Variants in LRIG3 observed in about 807,000 individuals in gnomAD.
LRIG3 encodes the protein leucine-rich repeats and immunoglobulin-like domains protein 3.
Under a neutral mutation model 114.5 loss-of-function variants are expected in LRIG3, and 76 were observed. The ratio of observed to expected loss-of-function variants is 0.66; its 90% CI spans 0.55 to 0.80. The LOEUF (loss-of-function observed/expected upper bound fraction) is 0.80, where lower values mean the gene tolerates loss of function less well. Ranked by LOEUF, LRIG3 falls within the 30% of genes least tolerant of loss-of-function variation. LRIG3 has a pLI of 0.00. For synonymous variants in LRIG3, 512 were observed against 519.8 expected, an observed-to-expected ratio of 0.98 and a Z score of 0.20; for missense variants, 1,239 against 1,382.8, an observed-to-expected ratio of 0.90 and a Z score of 1.65.
intron 3 of LRIG3, among the ~76,000 whole-genome samples, chr12:58,894,220 C>G (rs1340366126): frequency 6.6e-6 from 1 of 152,220 alleles, no homozygotes; most frequent in East Asian, 1.9e-4. Flanking sequence ...GTGCTCAGTT[C>G]TAGACGGAGC....
intron 16 of LRIG3, among the ~76,000 whole-genome samples, 158 bp from the exon 17 acceptor site, chr12:58,874,731 T>A (rs147929311): frequency 6.6e-6 from 1 of 152,242 alleles, no homozygotes; most frequent in Admixed American, 6.5e-5. Flanking sequence ...TTAAAAAATT[T>A]ATTAGAGGAC....
intron 3 of LRIG3, among the ~76,000 whole-genome samples, chr12:58,909,649 G>A (rs1293803907): frequency 1.3e-5 from 2 of 152,182 alleles, no homozygotes; most frequent in Non-Finnish European, 2.9e-5. Context: ...TGTATTCCCT[G>A]TATCTTCACA....
intron 12 of LRIG3, among the ~76,000 whole-genome samples, chr12:58,881,526 G>A (rs1000455741): frequency 2.6e-5 from 4 of 151,440 alleles, no homozygotes; most frequent in South Asian, 2.1e-4. Context: ...TCGTGCCGCC[G>A]CGCTGCCCTG....
At chr12:58,889,921 T>G in intron 5 of LRIG3, 75 bp downstream of exon 5, 1 of 1,531,822 alleles carries the variant, frequency 6.5e-7, no homozygotes, top group Non-Finnish European at 8.9e-7. Flanking sequence ...TTTTGCCACA[T>G]TGTAGATTTT....
At position 58,890,705 on chromosome 12, in the gene LRIG3, C is replaced by T. The variant is rs1871427722; in HGVS notation, c.475G>A (p.Glu159Lys). 6.2e-7 allele frequency: 1 copy of T among 1,607,800 alleles called. No individual in the cohort carries two copies. ...TLDLSSNNIS[E>K]LQTAFPALQL... is the part of the protein sequence containing the mutation. ...AGGGCTGGAAATGCAGTTTGGAGCT[C>T]TGAAATATTGTTGCTGCTAAGGTCC... is the stretch of plus-strand genomic sequence containing the variant. The change falls in exon 4 of 19, where the codon GAG becomes AAG. Residue 159 changes from glutamate (E) to lysine (K), a missense_variant. Physicochemically the swap from Glu to Lys is moderately conservative, Grantham distance 56 (BLOSUM62 1). Coordinates refer to ENST00000320743, the MANE Select transcript of LRIG3 (RefSeq NM_153377.5).
intron 3 of LRIG3, among the ~76,000 whole-genome samples, chr12:58,913,081 A>G (rs751291239): frequency 1.3e-5 from 2 of 152,184 alleles, no homozygotes; most frequent in Non-Finnish European, 2.9e-5. Context: ...AGATGTAAGC[A>G]ATTGGGTAGT....
At chr12:58,879,213 G>A (rs1248615327) in intron 13 of LRIG3, 108 bp from the exon 14 acceptor site, 21 of 1,285,348 alleles carry the variant, frequency 1.6e-5, no homozygotes, top group Non-Finnish European at 2.2e-5. Context: ...GATTGTCCCT[G>A]ACATAGATTG....
At chr12:58,891,296 G>C (rs1306556180) in intron 3 of LRIG3, among the ~76,000 whole-genome samples, 1 of 151,682 alleles carries the variant, frequency 6.6e-6, no homozygotes, top group Admixed American at 6.6e-5. Context: ...TTATACAGTC[G>C]GGGGGTCTCA....
chr12:58,919,449 A>G, intron 1 of LRIG3: 3 of 1,551,666 alleles, frequency 1.9e-6, no homozygotes, highest in Non-Finnish European at 2.6e-6. Flanking sequence ...TGAAAAAGCA[A>G]GCAGAGGGAG....
intron 3 of LRIG3, among the ~76,000 whole-genome samples, chr12:58,904,618 A>G (rs1403601924): frequency 6.6e-6 from 1 of 152,226 alleles, no homozygotes; most frequent in Non-Finnish European, 1.5e-5. Flanking sequence ...GTTGCCCAAA[A>G]TGGGTCATTG....
At chr12:58,893,626 GAT>G in intron 3 of LRIG3, among the ~76,000 whole-genome samples, 1 of 152,194 alleles carries the variant, frequency 6.6e-6, no homozygotes, top group Non-Finnish European at 1.5e-5. Context: ...AGGTCCCGGA[GAT>G]GGATTCCATC....
chr12:58,906,247 T>C (rs912314011), intron 3 of LRIG3, among the ~76,000 whole-genome samples: 2 of 152,176 alleles, frequency 1.3e-5, no homozygotes, highest in African/African-American at 4.8e-5. Flanking sequence ...TGACCACTTT[T>C]CAAATACTGA....
At chr12:58,907,373 C>A (rs185816250) in intron 3 of LRIG3, among the ~76,000 whole-genome samples, 2 of 152,160 alleles carry the variant, frequency 1.3e-5, no homozygotes, top group Non-Finnish European at 2.9e-5. Flanking sequence ...TTATTAGGAA[C>A]CATGAAGAGA....
intron 5 of LRIG3, among the ~76,000 whole-genome samples, chr12:58,889,276 A>G (rs1297979691): frequency 6.6e-6 from 1 of 152,212 alleles, no homozygotes; most frequent in African/African-American, 2.4e-5. Flanking sequence ...GAATGAGATT[A>G]TTAAATGTTA....
In LRIG3 at chr12:58,919,962, C is replaced by A. The variant is rs779867201; in HGVS notation, c.236+38G>T. ...GGCTCCTGTTTTCTCGAATCTCCAGCGGCCCGGGCCCCCTCCCCCCGCGGG... is the reference window on the plus strand; with the variant it reads ...GGCTCCTGTTTTCTCGAATCTCCAGAGGCCCGGGCCCCCTCCCCCCGCGGG... On this transcript the variant is annotated intron_variant, in intron 1 of 18. Transcript: ENST00000320743. The A allele has an allele frequency of 5.2e-6, 8 of 1,531,694 alleles. No individual in the cohort carries two copies. In the South Asian group the frequency reaches 6.0e-5, roughly 11 times the overall value. The allele number at this position is 1,531,694 out of a possible 1,614,324, so 94.9% of individuals were successfully genotyped here.
intron 3 of LRIG3, among the ~76,000 whole-genome samples, chr12:58,901,874 G>A (rs777696208): frequency 2.2e-4 from 34 of 152,220 alleles, no homozygotes; most frequent in Admixed American, 5.2e-4. Flanking sequence ...GTTCTTAGAA[G>A]TGATTAAGGA....
chr12:58,898,623 T>G (rs1871728501), intron 3 of LRIG3, among the ~76,000 whole-genome samples: 1 of 152,192 alleles, frequency 6.6e-6, no homozygotes, highest in Non-Finnish European at 1.5e-5. Flanking sequence ...ACAGGACAAT[T>G]TGGGTGTGTA....
chr12:58,903,618 T>C (rs2120955646), intron 3 of LRIG3, among the ~76,000 whole-genome samples: 1 of 152,134 alleles, frequency 6.6e-6, no homozygotes, highest in South Asian at 2.1e-4. Context: ...GCTTTTGGTG[T>C]TTTGGACATG....
At chr12:58,916,360 G>A (rs750407906) in intron 1 of LRIG3, among the ~76,000 whole-genome samples, 7 of 152,058 alleles carry the variant, frequency 4.6e-5, no homozygotes, top group Non-Finnish European at 7.4e-5. Context: ...TACATTATAT[G>A]TAGGAGGAAA....
Sources: allele counts gnomAD v4.1 joint callset (sites outside exome capture counted in the v4.1 genomes callset), GRCh38; gene constraint gnomAD v4.1.1; transcripts MANE v1.5; gene names NCBI Gene and HGNC (gene_info 2026-07-23, HGNC 2026-07-21).